Variants in ZNF567 observed in about 807,000 individuals in gnomAD.
ZNF567 encodes the protein zinc finger protein 567.
ZNF567 carries 36 observed loss-of-function variants against 53.9 expected under a neutral mutation model. The observed-to-expected ratio is 0.67, with a 90% confidence interval of 0.51 to 0.88. ZNF567 has a LOEUF of 0.88. Ranked by LOEUF, ZNF567 falls within the 40% of genes least tolerant of loss-of-function variation. ZNF567 has a pLI of 0.00. For synonymous variants in ZNF567, 224 were observed against 260.4 expected, an observed-to-expected ratio of 0.86 and a Z score of 1.35; for missense variants, 619 against 764.7, an observed-to-expected ratio of 0.81 and a Z score of 2.25.
At chr19:36,695,543 A>T (rs1358084473) in intron 3 of ZNF567, among the ~76,000 whole-genome samples, 2 of 152,136 alleles carry the variant, frequency 1.3e-5, no homozygotes, top group Non-Finnish European at 2.9e-5. Flanking sequence ...AAAGAAAAAA[A>T]TTAGCCCAGT....
At chr19:36,690,891 C>G (rs1475249242) in intron 2 of ZNF567, among the ~76,000 whole-genome samples, 5 of 152,170 alleles carry the variant, frequency 3.3e-5, no homozygotes, top group African/African-American at 7.2e-5. Flanking sequence ...ATGAGTGTCT[C>G]CTGTGTTAGT....
chr19:36,719,735 T>C lies in ZNF567; in HGVS notation c.1011T>C (p.Tyr337=). ...GAACACACACAGGGGAGAAATCGTA[T>C]GAATGTCTGCAATGTAGGAATGCCT... ...HQRTHTGEKS[Y]ECLQCRNAFR... Residue 337 remains tyrosine, a synonymous_variant, in exon 6 of 6, where the codon TAT becomes TAC. Transcript: ENST00000682579. 6.2e-7 allele frequency: 1 copy of C among 1,614,120 alleles called. No individual in the cohort carries two copies. Among genetic ancestry groups the C allele is most frequent in the Non-Finnish European group, 8.5e-7 (1 of 1,180,010 alleles).
intron 3 of ZNF567, among the ~76,000 whole-genome samples, chr19:36,701,698 T>C (rs2039195088): frequency 6.7e-6 from 1 of 148,806 alleles, no homozygotes; most frequent in Admixed American, 6.8e-5. Flanking sequence ...TTTGTCTCTT[T>C]TGATCTTCGT....
Position 36,692,448 on chromosome 19 carries a change from T to C in ZNF567, c.-66-2354T>C, listed in dbSNP as rs184385587. Among the ~76,000 whole-genome samples, 193 of 152,294 alleles carry C rather than the reference T, an allele frequency of 1.3e-3. 2 individuals carry two copies. Among genetic ancestry groups the C allele is most frequent in the African/African-American group, 4.5e-3 (188 of 41,572 alleles). ...AGTACAGTGGCACAGTCATAGTTCA[T>C]TGTAGCCTCAAACTCCTGGGCTTAA... On this transcript the variant is annotated intron_variant, in intron 2 of 5. Coordinates refer to ENST00000682579, the MANE Select transcript of ZNF567 (RefSeq NM_001322917.1).
chr19:36,670,142 G>A, the ZNF567 span, among the ~76,000 whole-genome samples: 1 of 152,154 alleles, frequency 6.6e-6, no homozygotes, highest in Non-Finnish European at 1.5e-5. Context: ...ACCAGTCAGA[G>A]TAGGGGCTTA....
intron 1 of ZNF567, among the ~76,000 whole-genome samples, chr19:36,688,954 C>T (rs1298926922): frequency 6.6e-6 from 1 of 152,066 alleles, no homozygotes; most frequent in Non-Finnish European, 1.5e-5. Context: ...TAAAAATTAG[C>T]TGGGCATGAT....
chr19:36,683,317 C>A (rs1387705732), upstream of ZNF567, among the ~76,000 whole-genome samples: 2 of 152,056 alleles, frequency 1.3e-5, no homozygotes, highest in East Asian at 3.9e-4. Context: ...AGTGTTCCAC[C>A]CGTCTCAGCC....
At chr19:36,715,498 A>G (rs1163931365) in intron 5 of ZNF567, among the ~76,000 whole-genome samples, 1 of 38,368 alleles carries the variant, frequency 2.6e-5, no homozygotes, top group East Asian at 1.1e-3. Flanking sequence ...AATAATAATA[A>G]TAATAATAAT....
Position 36,719,343 on chromosome 19 carries a change from G to A in ZNF567, c.619G>A (p.Ala207Thr), listed in dbSNP as rs2040206682. 2.5e-6 allele frequency: 4 copies of A among 1,613,630 alleles called. No homozygotes were observed. Among genetic ancestry groups the A allele is most frequent in the East Asian group, 2.2e-5 (1 of 44,864 alleles). ...LMQYQKTETP[A>T]QSFGYNDCEK... ...GCAGTATCAGAAAACGGAAACTCCA[G>A]CACAGTCATTTGGATATAATGACTG... The change falls in exon 6 of 6, where the codon GCA becomes ACA. Residue 207 changes from alanine (A) to threonine (T), a missense_variant. Coordinates refer to ENST00000682579, the MANE Select transcript of ZNF567 (RefSeq NM_001322917.1).
At chr19:36,727,365 G>A (rs1349561013), downstream of ZNF567, among the ~76,000 whole-genome samples, 1 of 145,658 alleles carries the variant, frequency 6.9e-6, no homozygotes, top group Non-Finnish European at 1.5e-5. Context: ...AGCCACTGCG[G>A]TTGGCCAAGT....
intron 3 of ZNF567, among the ~76,000 whole-genome samples, chr19:36,698,804 A>G (rs918226071): frequency 4.6e-5 from 7 of 151,868 alleles, no homozygotes; most frequent in African/African-American, 1.5e-4. Context: ...TGAGTTCATT[A>G]TAGATTCTGG....
downstream of ZNF567, among the ~76,000 whole-genome samples, chr19:36,726,242 T>C (rs1323909301): frequency 6.6e-6 from 1 of 152,268 alleles, no homozygotes; most frequent in Non-Finnish European, 1.5e-5. Flanking sequence ...CTTCATGTAT[T>C]TATCATATAA....
chr19:36,710,465 CTGTTA>C (rs1006413356), intron 3 of ZNF567, among the ~76,000 whole-genome samples: 17 of 151,918 alleles, frequency 1.1e-4, no homozygotes, highest in African/African-American at 3.9e-4. Flanking sequence ...AATCTGAATT[CTGTTA>C]TATCTGTTAT....
At position 36,720,187 on chromosome 19, in the gene ZNF567, T is replaced by C; in HGVS notation, c.1463T>C (p.Met488Thr). 1 of 1,613,304 alleles carries C rather than the reference T, an allele frequency of 6.2e-7. No individual in the cohort carries two copies. The highest frequency in any genetic ancestry group is 8.5e-7 in the Non-Finnish European group (1 of 1,179,784). Reference protein sequence around the residue: ...ECPHCGKAFRMKSYLIDHHRT... With the variant: ...ECPHCGKAFRTKSYLIDHHRT... ...CCTCACTGTGGGAAGGCCTTTAGAA[T>C]GAAGTCATACCTCATTGATCATCAC... Residue 488 changes from methionine to threonine, a missense_variant, in exon 6 of 6, where the codon ATG (methionine) becomes ACG (threonine). Met to Thr is a moderately conservative substitution (Grantham distance 81, BLOSUM62 -1). Coordinates refer to ENST00000682579, the MANE Select transcript of ZNF567 (RefSeq NM_001322917.1).
At chr19:36,683,660 C>T (rs1317132570), upstream of ZNF567, among the ~76,000 whole-genome samples, 3 of 151,968 alleles carry the variant, frequency 2.0e-5, no homozygotes, top group African/African-American at 7.3e-5. Context: ...GGTGAAACCC[C>T]GTCTCTACTA....
At position 36,720,507 on chromosome 19, in the gene ZNF567, G is replaced by A. The variant is rs2040263323; in HGVS notation, c.1783G>A (p.Gly595Arg). 1.2e-6 allele frequency: 2 copies of A among 1,614,034 alleles called. No homozygotes were observed. Among genetic ancestry groups the A allele is most frequent in the Non-Finnish European group, 1.7e-6 (2 of 1,180,002 alleles). ...GEKPYKCSEC[G>R]KCFRQKTNLI... The stretch of plus-strand genomic sequence containing the variant: ...GAAACCATATAAATGTAGTGAATGT[G>A]GAAAGTGCTTCCGCCAGAAGACAAA... Residue 595 changes from glycine to arginine, a missense_variant, in exon 6 of 6, where the codon GGA becomes AGA. Coordinates refer to ENST00000682579, the MANE Select transcript of ZNF567 (RefSeq NM_001322917.1).
the ZNF567 span, among the ~76,000 whole-genome samples, chr19:36,681,035 C>T: frequency 6.6e-6 from 1 of 152,182 alleles, no homozygotes; most frequent in African/African-American, 2.4e-5. Context: ...TTTGCAGGGT[C>T]ATCAGTCAGC....
At chr19:36,697,655 C>T (rs916830359) in intron 3 of ZNF567, among the ~76,000 whole-genome samples, 1 of 150,940 alleles carries the variant, frequency 6.6e-6, no homozygotes, top group African/African-American at 2.4e-5. Flanking sequence ...TCCTGTCATC[C>T]AGGCTGGAGT....
At chr19:36,717,120 C>A (rs2040102361) in intron 5 of ZNF567, among the ~76,000 whole-genome samples, 1 of 152,052 alleles carries the variant, frequency 6.6e-6, no homozygotes, top group Admixed American at 6.6e-5. Flanking sequence ...AGCAACCGTG[C>A]CCAGCCCAAA....
Sources: gnomAD v4.1 joint callset for allele counts (sites outside exome capture counted in the v4.1 genomes callset) on GRCh38, gnomAD v4.1.1 for gene constraint, MANE v1.5 for transcripts, NCBI Gene and HGNC (gene_info 2026-07-23, HGNC 2026-07-21) for gene names.